The following SORCS3 variants were observed in gnomAD, a reference collection of about 807,000 sequenced individuals.
SORCS3 encodes the protein VPS10 domain-containing receptor SorCS3.
Under a neutral mutation model 146.3 loss-of-function variants are expected in SORCS3, and 57 were observed. The ratio of observed to expected loss-of-function variants is 0.39; its 90% CI spans 0.31 to 0.49. The LOEUF (loss-of-function observed/expected upper bound fraction) is 0.49. Ranked by LOEUF, SORCS3 falls within the 20% of genes least tolerant of loss-of-function variation. The probability of loss-of-function intolerance (pLI) is 0.92; values close to 1 mark genes in which losing one functional copy is unlikely to be tolerated. For missense variants in SORCS3, 1,341 were observed against 1,575.5 expected, an observed-to-expected ratio of 0.85 and a Z score of 2.52; for synonymous variants, 653 against 618.5, an observed-to-expected ratio of 1.06 and a Z score of -0.83.
chr10:104,678,803 C>G lies in SORCS3; in HGVS notation c.627+36849C>G, dbSNP rs142848214. Among the ~76,000 whole-genome samples, 207 of 152,254 alleles carry G rather than the reference C, an allele frequency of 1.4e-3. 1 individual carries two copies. Among genetic ancestry groups the G allele is most frequent in the Middle Eastern group, 6.8e-3 (2 of 294 alleles). On this transcript the variant is annotated intron_variant, in intron 1 of 26. Coordinates refer to ENST00000369701, the MANE Select transcript of SORCS3 (RefSeq NM_014978.3). ...TTTAAAGAAATAATAGGAACATGCC[C>G]ATCACAAAGCCCTGCTCTGTTTCCT...
chr10:104,683,713 C>T (rs574996692), intron 1 of SORCS3, among the ~76,000 whole-genome samples: 1 of 152,272 alleles, frequency 6.6e-6, no homozygotes, highest in South Asian at 2.1e-4. Context: ...AAGTGACAGG[C>T]TCGCCAGTTG....
At chr10:104,807,097 C>A (rs897282715) in intron 1 of SORCS3, among the ~76,000 whole-genome samples, 49 of 121,230 alleles carry the variant, frequency 4.0e-4, no homozygotes, top group African/African-American at 1.3e-3. Flanking sequence ...ATGTGGATTC[C>A]CAGGAAGCAT....
intron 25 of SORCS3, 43 bp downstream of exon 25, chr10:105,256,967 A>G: frequency 7.5e-7 from 1 of 1,329,884 alleles, no homozygotes; most frequent in Non-Finnish European, 1.1e-6. Flanking sequence ...GGTTGGGGTC[A>G]TTGCAAATGA....
intron 1 of SORCS3, among the ~76,000 whole-genome samples, chr10:104,719,435 G>A (rs1169786809): frequency 6.6e-6 from 1 of 152,110 alleles, no homozygotes; most frequent in African/African-American, 2.4e-5. Context: ...TTTTACTTCC[G>A]TATTCCTTGA....
intron 3 of SORCS3, among the ~76,000 whole-genome samples, chr10:104,971,889 ATTG>A (rs2054862612): frequency 6.6e-6 from 1 of 152,136 alleles, no homozygotes; most frequent in South Asian, 2.1e-4. Flanking sequence ...AATAGACGGA[ATTG>A]TTGTGGTATC....
intron 7 of SORCS3, among the ~76,000 whole-genome samples, chr10:105,118,386 A>T (rs1025700712): frequency 6.6e-6 from 1 of 152,172 alleles, no homozygotes; most frequent in Non-Finnish European, 1.5e-5. Context: ...TTGTGAGTCA[A>T]TTAAACCTCT....
chr10:105,004,237 C>T (rs1401922906), intron 4 of SORCS3, among the ~76,000 whole-genome samples: 2 of 152,142 alleles, frequency 1.3e-5, no homozygotes, highest in Non-Finnish European at 2.9e-5. Flanking sequence ...GGCTTTGATG[C>T]TGTACCAGCC....
chr10:104,818,651 G>A (rs1031764906), intron 1 of SORCS3, among the ~76,000 whole-genome samples: 2 of 152,142 alleles, frequency 1.3e-5, no homozygotes, highest in Non-Finnish European at 2.9e-5. Context: ...CTGAGCTTAT[G>A]TCAGTTCCAC....
chr10:104,682,563 G>A (rs1008653081), intron 1 of SORCS3, among the ~76,000 whole-genome samples: 2 of 152,174 alleles, frequency 1.3e-5, no homozygotes, highest in African/African-American at 4.8e-5. Flanking sequence ...GCAGAGGGGT[G>A]CCTCCTATGG....
At chr10:105,178,539 A>C (rs898243631) in intron 14 of SORCS3, among the ~76,000 whole-genome samples, 3 of 152,098 alleles carry the variant, frequency 2.0e-5, no homozygotes, top group Non-Finnish European at 4.4e-5. Flanking sequence ...TGGAGGGAGT[A>C]AAACAGTCAA....
chr10:104,845,621 G>T (rs2018194943), intron 2 of SORCS3, among the ~76,000 whole-genome samples: 1 of 152,100 alleles, frequency 6.6e-6, no homozygotes. Context: ...ACACCAAGCG[G>T]GTGTAGTCTG....
At chr10:104,923,997 C>T (rs553935388) in intron 3 of SORCS3, among the ~76,000 whole-genome samples, 1 of 152,276 alleles carries the variant, frequency 6.6e-6, no homozygotes, top group South Asian at 2.1e-4. Context: ...TCAACAGAAA[C>T]TCTATGATGT....
chr10:104,925,396 C>G (rs775779836), intron 3 of SORCS3, among the ~76,000 whole-genome samples: 3 of 152,160 alleles, frequency 2.0e-5, no homozygotes, highest in Non-Finnish European at 2.9e-5. Flanking sequence ...CCAAGGCAAA[C>G]ATGATATAAG....
intron 3 of SORCS3, among the ~76,000 whole-genome samples, chr10:104,943,429 T>A (rs2019340250): frequency 6.6e-6 from 1 of 152,130 alleles, no homozygotes; most frequent in Admixed American, 6.5e-5. Flanking sequence ...CCCGGCCAAA[T>A]GTAAAAAGAG....
chr10:104,984,377 A>C (rs2054949960), intron 4 of SORCS3, among the ~76,000 whole-genome samples: 1 of 152,202 alleles, frequency 6.6e-6, no homozygotes, highest in African/African-American at 2.4e-5. Flanking sequence ...TATAATACCC[A>C]GTGTCGGGTA....
chr10:104,718,586 C>T, intron 1 of SORCS3, among the ~76,000 whole-genome samples: 1 of 152,084 alleles, frequency 6.6e-6, no homozygotes, highest in Non-Finnish European at 1.5e-5. Context: ...GAAATCTGAT[C>T]CCACTCTGAC....
Position 104,842,936 on chromosome 10 carries a change from T to C in SORCS3, c.695+77T>C, listed in dbSNP as rs2018159592. On this transcript the variant is annotated intron_variant, in intron 2 of 26. Transcript: ENST00000369701. ...AAACGCAAGCTAAGCAGTTGGGAAG[T>C]GTGGACTGGAAGGAGCAGAAGATAG... 1.0e-5 allele frequency: 12 copies of C among 1,162,834 alleles called. No homozygotes were observed. The Admixed American group carries it at 2.0e-4, about 20-fold the overall frequency. The allele number at this position is 1,162,834 out of a possible 1,614,324, so 72.0% of individuals were successfully genotyped here. A position where few individuals can be genotyped will look rare whatever the true frequency, so the allele number is the denominator to read the frequency against.
intron 4 of SORCS3, among the ~76,000 whole-genome samples, chr10:105,037,577 T>G (rs979522546): frequency 6.6e-6 from 1 of 152,182 alleles, no homozygotes; most frequent in African/African-American, 2.4e-5. Flanking sequence ...CATCTTCTCA[T>G]GGAGTTCTCC....
chr10:104,946,806 A>G (rs1484213685), intron 3 of SORCS3, among the ~76,000 whole-genome samples: 1 of 152,158 alleles, frequency 6.6e-6, no homozygotes, highest in Non-Finnish European at 1.5e-5. Context: ...GCATCAGAGC[A>G]TGCTTCTTTT....
Sources: allele counts gnomAD v4.1 joint callset (sites outside exome capture counted in the v4.1 genomes callset), GRCh38; gene constraint gnomAD v4.1.1; transcripts MANE v1.5; gene names NCBI Gene and HGNC (gene_info 2026-07-23, HGNC 2026-07-21).